DSCAM: variants seen among roughly 807,000 people sequenced by gnomAD.
DSCAM encodes the protein cell adhesion molecule DSCAM.
A neutral mutation model predicts 217.7 loss-of-function variants in DSCAM; 47 were observed. That is an observed-to-expected ratio of 0.22 (90% CI 0.17 to 0.28). DSCAM has a LOEUF of 0.28. DSCAM is among the 10% of genes least tolerant of loss of function. The pLI is 1.00. For synonymous variants in DSCAM, 1,056 were observed against 1,015.3 expected (o/e 1.04, Z -0.76); for missense variants, 2,080 against 2,618.3 (o/e 0.79, Z 4.49).
chr21:40,126,417 G>A (rs1292792507), intron 19 of DSCAM, among the ~76,000 whole-genome samples: 1 of 152,096 alleles, frequency 6.6e-6, no homozygotes, highest in Non-Finnish European at 1.5e-5. Context: ...TGAGAAGAAT[G>A]GGACATGTGG....
At chr21:40,090,480 C>T (rs1052766816) in intron 21 of DSCAM, among the ~76,000 whole-genome samples, 9 of 152,276 alleles carry the variant, frequency 5.9e-5, no homozygotes, top group African/African-American at 1.4e-4. Context: ...AAGGTCACCA[C>T]GATCTTCCGT....
At chr21:40,686,250 GCACACACTC>G (rs2090475720) in intron 3 of DSCAM, among the ~76,000 whole-genome samples, 1 of 79,200 alleles carries the variant, frequency 1.3e-5, no homozygotes, top group Non-Finnish European at 2.8e-5. Context: ...ACCACACACA[GCACACACTC>G]CACACACACA....
chr21:40,065,118 C>A (rs1283730006), intron 27 of DSCAM, among the ~76,000 whole-genome samples: 1 of 151,914 alleles, frequency 6.6e-6, no homozygotes, highest in Non-Finnish European at 1.5e-5. Flanking sequence ...TACAGTGGGA[C>A]AAGGAGGAGT....
chr21:40,202,846 G>T (rs565030753), intron 11 of DSCAM, among the ~76,000 whole-genome samples: 5 of 152,174 alleles, frequency 3.3e-5, no homozygotes, highest in Admixed American at 3.3e-4. Flanking sequence ...TGCCCATATG[G>T]TTTTTTTATT....
chr21:40,042,751 T>C, intron 31 of DSCAM, 78 bp from the exon 32 acceptor site: 4 of 1,399,728 alleles, frequency 2.9e-6, no homozygotes, highest in Non-Finnish European at 3.8e-6. Context: ...CTTCCTGGCT[T>C]GGGGCTGTTT....
chr21:40,334,974 G>A (rs2074415347), intron 8 of DSCAM, among the ~76,000 whole-genome samples: 1 of 151,992 alleles, frequency 6.6e-6, no homozygotes, highest in South Asian at 2.1e-4. Context: ...CTGACTCAGG[G>A]CCTTTTAGTG....
chr21:40,774,460 G>A (rs2091471425), intron 1 of DSCAM, among the ~76,000 whole-genome samples: 1 of 152,238 alleles, frequency 6.6e-6, no homozygotes, highest in African/African-American at 2.4e-5. Context: ...ACACATGAGT[G>A]ACAGTTCCTT....
At chr21:40,502,218 T>G (rs1260245122) in intron 3 of DSCAM, among the ~76,000 whole-genome samples, 1 of 152,210 alleles carries the variant, frequency 6.6e-6, no homozygotes, top group Non-Finnish European at 1.5e-5. Flanking sequence ...AAATCACATT[T>G]CAGATATAGC....
intron 32 of DSCAM, among the ~76,000 whole-genome samples, chr21:40,026,922 A>ATGTT (rs1214039498): frequency 3.9e-5 from 6 of 152,420 alleles, no homozygotes; most frequent in African/African-American, 1.4e-4. Context: ...TGTCATTATG[A>ATGTT]TGTTAGCTGG....
intron 3 of DSCAM, among the ~76,000 whole-genome samples, chr21:40,494,343 A>G (rs2146019796): frequency 6.6e-6 from 1 of 152,322 alleles, no homozygotes; most frequent in Non-Finnish European, 1.5e-5. Flanking sequence ...GCATAGACTG[A>G]AAGGCCATAA....
intron 3 of DSCAM, among the ~76,000 whole-genome samples, chr21:40,644,028 T>A (rs2079451055): frequency 6.6e-6 from 1 of 152,166 alleles, no homozygotes; most frequent in South Asian, 2.1e-4. Flanking sequence ...GCAGATCTTG[T>A]TAAACTCCCA....
At chr21:40,844,264 C>T (rs1296072097) in intron 1 of DSCAM, among the ~76,000 whole-genome samples, 2 of 152,132 alleles carry the variant, frequency 1.3e-5, no homozygotes, top group Non-Finnish European at 2.9e-5. Flanking sequence ...TTTTATGATC[C>T]TTTCCCCAGT....
Position 40,244,604 on chromosome 21 carries a change from G to A in DSCAM, c.2356+31493C>T, listed in dbSNP as rs79485116. On this transcript the variant is annotated intron_variant, in intron 11 of 32. Transcript: ENST00000400454. ...GAGATGAATCCTGAAGGGATGGGGC[G>A]CACGAGGAAAGCTGCTGAAGGTGTT... is the stretch of plus-strand genomic sequence containing the variant. Among the ~76,000 whole-genome samples the A allele has an allele frequency of 1.4e-3, 213 of 152,268 alleles. 1 individual carries two copies. Among genetic ancestry groups the A allele is most frequent in the African/African-American group, 4.7e-3 (196 of 41,546 alleles).
intron 19 of DSCAM, among the ~76,000 whole-genome samples, chr21:40,128,054 C>A (rs1029965799): frequency 1.3e-4 from 20 of 151,720 alleles, no homozygotes; most frequent in Non-Finnish European, 2.6e-4. Context: ...TGATCACCAG[C>A]TTAGGTCAGG....
chr21:40,284,606 C>A (rs111422354), intron 10 of DSCAM, among the ~76,000 whole-genome samples: 2,108 of 152,344 alleles, frequency 0.014, 52 homozygotes, highest in African/African-American at 0.048. Flanking sequence ...CCCCAAACAT[C>A]AGGTTTATGG....
chr21:40,516,833 G>T (rs550207760), intron 3 of DSCAM, among the ~76,000 whole-genome samples: 115 of 150,774 alleles, frequency 7.6e-4, no homozygotes, highest in Non-Finnish European at 1.3e-3. Flanking sequence ...TCTGGATCTT[G>T]TTTATTCATT....
At chr21:40,818,614 G>A (rs1369413596) in intron 1 of DSCAM, among the ~76,000 whole-genome samples, 1 of 132,872 alleles carries the variant, frequency 7.5e-6, no homozygotes, top group Non-Finnish European at 1.6e-5. Flanking sequence ...GTTATCCCAC[G>A]CTTGAGCATT....
intron 3 of DSCAM, among the ~76,000 whole-genome samples, chr21:40,512,774 C>G (rs1414836349): frequency 6.6e-6 from 1 of 152,114 alleles, no homozygotes; most frequent in African/African-American, 2.4e-5. Context: ...AGGCCTCCCC[C>G]GAGACCCATT....
intron 3 of DSCAM, among the ~76,000 whole-genome samples, chr21:40,487,259 C>T (rs1025597336): frequency 1.3e-5 from 2 of 148,396 alleles, no homozygotes; most frequent in Non-Finnish European, 3.0e-5. Flanking sequence ...TTCTCTCCCT[C>T]TCTCTCTCTC....
Sources: allele counts gnomAD v4.1 joint callset (sites outside exome capture counted in the v4.1 genomes callset), GRCh38; gene constraint gnomAD v4.1.1; transcripts MANE v1.5; gene names NCBI Gene and HGNC (gene_info 2026-07-23, HGNC 2026-07-21).